ZMIZ2: variants seen among roughly 807,000 people sequenced by gnomAD.
ZMIZ2 encodes the protein zinc finger MIZ domain-containing protein 2.
Under a neutral mutation model 93.9 loss-of-function variants are expected in ZMIZ2, and 26 were observed. That is an observed-to-expected ratio of 0.28 (90% CI 0.20 to 0.38). The LOEUF is 0.38. Among genes scored for constraint, ZMIZ2 ranks in the 10% least tolerant of loss-of-function variants. The pLI is 1.00. For missense variants in ZMIZ2, 1,023 were observed against 1,235.0 expected (o/e 0.83, Z 2.57); for synonymous variants, 485 against 516.4 (o/e 0.94, Z 0.82).
chr7:44,758,088 G>T lies in ZMIZ2; in HGVS notation c.793G>T (p.Val265Phe), dbSNP rs755881045. ...PQAQPLPRQGVKRTYSEVYPG... is the reference protein window; with the variant it reads ...PQAQPLPRQGFKRTYSEVYPG... ...GGCCCAGCCACTGCCCCGACAGGGGGTCAAGAGAACCTACTCTGAGGTGAG... is the reference window on the plus strand; with the variant it reads ...GGCCCAGCCACTGCCCCGACAGGGGTTCAAGAGAACCTACTCTGAGGTGAG... Residue 265 changes from valine to phenylalanine, a missense_variant, in exon 6 of 19, where the codon GTC (valine) becomes TTC (phenylalanine). Val to Phe is a conservative substitution (Grantham distance 50). Transcript: ENST00000309315. 36 of 1,579,454 alleles carry T rather than the reference G, an allele frequency of 2.3e-5. No individual in the cohort carries two copies. The highest frequency in any genetic ancestry group is 3.8e-5 in the Admixed American group (2 of 52,894).
rs1000744660 is a variant in ZMIZ2, at chr7:44,768,427, G to C, written c.*804G>C. On this transcript the variant is annotated 3_prime_UTR_variant, in exon 19 of 19. Coordinates refer to ENST00000309315, the MANE Select transcript of ZMIZ2 (RefSeq NM_031449.4). ...GAGCTTCGGCCTGGCCGAGGTGGGT[G>C]GGTGGGCTCTCAGATTCAGCTCTGT... 1.3e-5 allele frequency: 2 copies of C among 152,472 alleles called. No homozygotes were observed. The highest frequency in any genetic ancestry group is 2.9e-5 in the Non-Finnish European group (2 of 68,164). 9.4% of individuals were successfully genotyped at this position (152,472 alleles called of 1,614,324 possible).
chr7:44,763,218 G>A lies in ZMIZ2; in HGVS notation c.1703-38G>A. 1 of 1,602,500 alleles carries A rather than the reference G, an allele frequency of 6.2e-7. No homozygotes were observed. Among genetic ancestry groups the A allele is most frequent in the Non-Finnish European group, 8.5e-7 (1 of 1,171,574 alleles). On this transcript the variant is annotated intron_variant, in intron 12 of 18. Transcript: ENST00000309315. The surrounding 1 kb of genome is among the most constrained non-coding windows in gnomAD (Gnocchi z 5.6). ...CCCCATTCACACCTCCCCATCTTGG[G>A]GACCCTTTACTCAAGTCCTTTACCT... is the stretch of plus-strand genomic sequence containing the variant.
intron 11 of ZMIZ2, 144 bp downstream of exon 11, chr7:44,762,049 G>T: frequency 1.8e-6 from 2 of 1,116,798 alleles, no homozygotes; most frequent in Non-Finnish European, 2.4e-6. Flanking sequence ...GACATGGGCG[G>T]GCCGGCCTGC....
chr7:44,761,582 C>G lies in ZMIZ2; in HGVS notation c.1374C>G (p.Thr458=), dbSNP rs752529534. ...AGCTGCGAGACTCAGTCTACAAGAC[C>G]CTGATAATGAGGTGAGCTCCGCCTG... The part of the protein sequence containing the change: ...VFQLRDSVYK[T]LIMRPDLELQ... Residue 458 remains threonine (T), a synonymous_variant, in exon 10 of 19, where the codon ACC becomes ACG. Coordinates refer to ENST00000309315, the MANE Select transcript of ZMIZ2 (RefSeq NM_031449.4). This position sits in a 1 kb window ranked among gnomAD's most constrained non-coding sequence, Gnocchi z 5.8. The G allele has an allele frequency of 1.9e-6, 3 of 1,614,082 alleles. No individual in the cohort carries two copies. Among genetic ancestry groups the G allele is most frequent in the South Asian group, 2.2e-5 (2 of 91,084 alleles).
In ZMIZ2 at chr7:44,766,095, C is replaced by A. The variant is rs752278523; in HGVS notation, c.2243-69C>A. 7 of 1,510,416 alleles carry A rather than the reference C, an allele frequency of 4.6e-6. No homozygotes were observed. The highest frequency in any genetic ancestry group is 2.2e-5 in the Admixed American group (1 of 44,528). 93.6% of individuals were successfully genotyped at this position (1,510,416 alleles called of 1,614,324 possible). On this transcript the variant is annotated intron_variant, in intron 16 of 18. Coordinates refer to ENST00000309315, the MANE Select transcript of ZMIZ2 (RefSeq NM_031449.4). This position sits in a 1 kb window ranked among gnomAD's most constrained non-coding sequence, Gnocchi z 4.4. ...GTCCCACCCATGCCACAGCCAGCCTCCCTCCTGGCTCCTCTGCCAGCGGTG... is the reference window on the plus strand; with the variant it reads ...GTCCCACCCATGCCACAGCCAGCCTACCTCCTGGCTCCTCTGCCAGCGGTG...
chr7:44,760,144 C>A lies in ZMIZ2; in HGVS notation c.994-7C>A, dbSNP rs1336822758. ...GCCCCAGGTGCATGCAGTTTTCTCT[C>A]CCGCAGCCCACAGAGCAGTTCAACG... On this transcript the variant is annotated splice_polypyrimidine_tract_variant and splice_region_variant and intron_variant, in intron 7 of 18. Coordinates refer to ENST00000309315, the MANE Select transcript of ZMIZ2 (RefSeq NM_031449.4). 3 of 1,613,934 alleles carry A rather than the reference C, an allele frequency of 1.9e-6. No homozygotes were observed. Among genetic ancestry groups the A allele is most frequent in the Non-Finnish European group, 2.5e-6 (3 of 1,179,974 alleles).
chr7:44,769,503 AAGC>A lies in ZMIZ2; in HGVS notation c.*1888_*1890del, dbSNP rs1250987597. The A allele has an allele frequency of 2.0e-5, 3 of 152,712 alleles. No individual in the cohort carries two copies. Among genetic ancestry groups the A allele is most frequent in the African/African-American group, 4.8e-5 (2 of 41,438 alleles). The allele number at this position is 152,712 out of a possible 1,614,324, so 9.5% of individuals were successfully genotyped here. A position where few individuals can be genotyped will look rare whatever the true frequency, so the allele number is the denominator to read the frequency against. On this transcript the variant is annotated 3_prime_UTR_variant, in exon 19 of 19. Transcript: ENST00000309315. ...GGAACAGAAGTGGAGGAAACAAAAG[AAGC>A]AGCAGCACGCACAGTCCTGTCGCTG...
chr7:44,754,925 G>A (rs1313915587), intron 1 of ZMIZ2, among the ~76,000 whole-genome samples: 2 of 152,214 alleles, frequency 1.3e-5, no homozygotes, highest in Non-Finnish European at 2.9e-5. Flanking sequence ...GTGGTCCTGG[G>A]AGTGTCAGAA....
intron 1 of ZMIZ2, among the ~76,000 whole-genome samples, chr7:44,754,679 C>T (rs908755573): frequency 6.6e-6 from 1 of 152,194 alleles, no homozygotes; most frequent in Non-Finnish European, 1.5e-5. Context: ...GCGGGGCCAC[C>T]CTCTCCTGGG....
At chr7:44,751,219 C>T (rs534736454) in intron 1 of ZMIZ2, 3 of 152,494 alleles carry the variant, frequency 2.0e-5, no homozygotes, top group Admixed American at 2.0e-4. Context: ...TGTACCTGCC[C>T]TGTGCTCCTT....
chr7:44,765,965 A>C lies in ZMIZ2; in HGVS notation c.2243-199A>C. On this transcript the variant is annotated intron_variant, in intron 16 of 18. Coordinates refer to ENST00000309315, the MANE Select transcript of ZMIZ2 (RefSeq NM_031449.4). This position sits in a 1 kb window ranked among gnomAD's most constrained non-coding sequence, Gnocchi z 4.1. ...TATAACCTCCGAGACCTTCACTCCT[A>C]GGAATGTCCCAAGGCCAATTCCCTT... 7.1e-7 allele frequency: 1 copy of C among 1,407,870 alleles called. No homozygotes were observed. The highest frequency in any genetic ancestry group is 9.2e-7 in the Non-Finnish European group (1 of 1,087,016). The allele number at this position is 1,407,870 out of a possible 1,614,324, so 87.2% of individuals were successfully genotyped here. A position where few individuals can be genotyped will look rare whatever the true frequency, so the allele number is the denominator to read the frequency against.
chr7:44,763,224 T>A lies in ZMIZ2; in HGVS notation c.1703-32T>A. Reference sequence around the variant, plus strand: ...TCACACCTCCCCATCTTGGGGACCCTTTACTCAAGTCCTTTACCTTGTTGA... The same window carrying A: ...TCACACCTCCCCATCTTGGGGACCCATTACTCAAGTCCTTTACCTTGTTGA... On this transcript the variant is annotated intron_variant, in intron 12 of 18. Coordinates refer to ENST00000309315, the MANE Select transcript of ZMIZ2 (RefSeq NM_031449.4). The surrounding 1 kb of genome is among the most constrained non-coding windows in gnomAD (Gnocchi z 5.6). 6.2e-7 allele frequency: 1 copy of A among 1,607,048 alleles called. No individual in the cohort carries two copies. Among genetic ancestry groups the A allele is most frequent in the African/African-American group, 1.3e-5 (1 of 74,908 alleles).
Position 44,757,868 on chromosome 7 carries a change from T to A in ZMIZ2, c.573T>A (p.Phe191Leu). The A allele has an allele frequency of 6.3e-7, 1 of 1,589,016 alleles. No homozygotes were observed. The stretch of plus-strand genomic sequence containing the variant: ...CCTAGATGGGGGCCGGACAGTCTTT[T>A]AACAGCCAGTTTCTGCAGCATGGAG... ...QYGAMGAGQSFNSQFLQHGGP... is the reference protein window; with the variant it reads ...QYGAMGAGQSLNSQFLQHGGP... The change falls in exon 6 of 19, where the codon TTT becomes TTA. Residue 191 changes from phenylalanine (F) to leucine (L), a missense_variant. Phe to Leu is a conservative substitution (Grantham distance 22, BLOSUM62 0). Coordinates refer to ENST00000309315, the MANE Select transcript of ZMIZ2 (RefSeq NM_031449.4).
At chr7:44,757,231 G>A (rs1790680435) in intron 4 of ZMIZ2, 82 bp downstream of exon 4, 1 of 1,511,366 alleles carries the variant, frequency 6.6e-7, no homozygotes, top group South Asian at 1.2e-5. Context: ...CTGATCAGCT[G>A]GACGTTCCCT....
At chr7:44,762,793 T>A in intron 11 of ZMIZ2, 88 bp from the exon 12 acceptor site, 676 of 582,334 alleles carry the variant, frequency 1.2e-3, no homozygotes, top group Non-Finnish European at 1.3e-3. Context: ...TGGCAGCCCC[T>A]GACACACAAC....
rs1036722651 is a variant in ZMIZ2, at chr7:44,756,179, G to T, written c.-62-9G>T. On this transcript the variant is annotated splice_polypyrimidine_tract_variant and intron_variant, in intron 1 of 18. Coordinates refer to ENST00000309315, the MANE Select transcript of ZMIZ2 (RefSeq NM_031449.4). Reference sequence around the variant, plus strand: ...TCGCAGCTAACATCCCTTCCTTCCTGTCGGGCAGCCAGAGCAGCTGAGTTC... The same window carrying T: ...TCGCAGCTAACATCCCTTCCTTCCTTTCGGGCAGCCAGAGCAGCTGAGTTC... 1.2e-6 allele frequency: 2 copies of T among 1,609,598 alleles called. No individual in the cohort carries two copies. Among genetic ancestry groups the T allele is most frequent in the African/African-American group, 1.3e-5 (1 of 74,944 alleles).
chr7:44,763,086 G>C lies in ZMIZ2; in HGVS notation c.1702+100G>C. 6.9e-7 allele frequency: 1 copy of C among 1,452,288 alleles called. No individual in the cohort carries two copies. The highest frequency in any genetic ancestry group is 9.4e-7 in the Non-Finnish European group (1 of 1,058,796). The allele number at this position is 1,452,288 out of a possible 1,614,324, so 90.0% of individuals were successfully genotyped here. A position where few individuals can be genotyped will look rare whatever the true frequency, so the allele number is the denominator to read the frequency against. On this transcript the variant is annotated intron_variant, in intron 12 of 18. Coordinates refer to ENST00000309315, the MANE Select transcript of ZMIZ2 (RefSeq NM_031449.4). The surrounding 1 kb of genome is among the most constrained non-coding windows in gnomAD (Gnocchi z 5.6). ...GTGGGCACCTCCTCGTGTCACACCA[G>C]GCCTTCTCCTTGGACAGGTGGCTCT...
In ZMIZ2 at chr7:44,760,152, C is replaced by A. The variant is rs1343494331; in HGVS notation, c.995C>A (p.Pro332His). 6.2e-7 allele frequency: 1 copy of A among 1,613,948 alleles called. No individual in the cohort carries two copies. The highest frequency in any genetic ancestry group is 1.1e-5 in the South Asian group (1 of 91,086). Residue 332 changes from proline (P) to histidine (H), a missense_variant and splice_region_variant, in exon 8 of 19, where the codon CCC becomes CAC. Physicochemically the swap from Pro to His is moderately conservative, Grantham distance 77. Transcript: ENST00000309315. ...VPGPTGLHYK[P>H]TEQFNGQGAS... Reference sequence around the variant, plus strand: ...TGCATGCAGTTTTCTCTCCCGCAGCCCACAGAGCAGTTCAACGGGCAGGGC... The same window carrying A: ...TGCATGCAGTTTTCTCTCCCGCAGCACACAGAGCAGTTCAACGGGCAGGGC...
Position 44,757,937 on chromosome 7 carries a change from C to T in ZMIZ2, c.642C>T (p.Gly214=), listed in dbSNP as rs1219000959. Reference sequence around the variant, plus strand: ...TCCCCGCTGGCATGAACCCTACTGGCATAGGAGGGGTAATGGGCCCCTCTG... The same window carrying T: ...TCCCCGCTGGCATGAACCCTACTGGTATAGGAGGGGTAATGGGCCCCTCTG... ...PSVPAGMNPT[G]IGGVMGPSGL... The change falls in exon 6 of 19, where the codon GGC becomes GGT. Residue 214 remains glycine (G), a synonymous_variant. Coordinates refer to ENST00000309315, the MANE Select transcript of ZMIZ2 (RefSeq NM_031449.4). The T allele has an allele frequency of 1.2e-6, 2 of 1,612,092 alleles. No individual in the cohort carries two copies. The highest frequency in any genetic ancestry group is 2.2e-5 in the East Asian group (1 of 44,868).
Sources: gnomAD v4.1 joint callset for allele counts (sites outside exome capture counted in the v4.1 genomes callset) on GRCh38, gnomAD v4.1.1 for gene constraint, Gnocchi (gnomAD v3.1) non-coding constraint, MANE v1.5 for transcripts, NCBI Gene and HGNC (gene_info 2026-07-23, HGNC 2026-07-21) for gene names.